FRMPD4: variants seen among roughly 807,000 people sequenced by gnomAD.
The protein encoded by FRMPD4 is FERM and PDZ domain-containing protein 4.
FRMPD4 carries 22 observed loss-of-function variants against 94.1 expected under a neutral mutation model. The observed-to-expected ratio is 0.23, with a 90% CI of 0.17 to 0.33. The LOEUF is 0.33. Ranked by LOEUF, FRMPD4 falls within the 10% of genes least tolerant of loss-of-function variation. FRMPD4 has a pLI of 1.00. For missense variants in FRMPD4, 1,111 were observed against 1,339.9 expected, an observed-to-expected ratio of 0.83 and a Z score of 2.67; for synonymous variants, 631 against 548.6, an observed-to-expected ratio of 1.15 and a Z score of -2.10.
At chrX:12,690,138 C>T in intron 7 of FRMPD4, 57 bp from the exon 8 acceptor site, 3 of 1,047,453 alleles carry the variant, frequency 2.9e-6, no homozygotes, top group Non-Finnish European at 3.9e-6. Flanking sequence ...TCATGGTAGA[C>T]TCCACAAGAT....
chrX:11,932,376 T>G (rs1251144133), intron 3 of FRMPD4, among the ~76,000 whole-genome samples: 1 of 111,968 alleles, frequency 8.9e-6, no homozygotes, highest in Non-Finnish European at 1.9e-5. Flanking sequence ...AGTATTTACT[T>G]TTCTTCCTTT....
At chrX:12,713,281 A>C (rs901189037) in intron 14 of FRMPD4, among the ~76,000 whole-genome samples, 3 of 111,641 alleles carry the variant, frequency 2.7e-5, no homozygotes, top group African/African-American at 9.8e-5. Flanking sequence ...TATTCTAAAC[A>C]TGCTTACAGT....
At chrX:12,439,657 C>T (rs1292259617) in intron 1 of FRMPD4, among the ~76,000 whole-genome samples, 1 of 111,969 alleles carries the variant, frequency 8.9e-6, no homozygotes, top group Non-Finnish European at 1.9e-5. Context: ...TTTTATAACC[C>T]TTGAAATTAT....
chrX:11,832,348 T>G (rs2053480028), intron 1 of FRMPD4, among the ~76,000 whole-genome samples: 1 of 111,608 alleles, frequency 9.0e-6, no homozygotes, highest in Non-Finnish European at 1.9e-5. Context: ...TCAGACAAAG[T>G]GATTCAAGGA....
rs145475588 is a variant in FRMPD4 at position 12,035,478 on chromosome X, T to A, written c.95+157460T>A. On this transcript the variant is annotated intron_variant, in intron 3 of 18. Coordinates refer to the FRMPD4 transcript ENST00000640291. ...ACATGGTAACTTTGAGCAAGTGAGG[T>A]CTCTATTGTATTAACAGTTTGTATT... 6.9e-3 allele frequency among the ~76,000 whole-genome samples: 769 copies of A among 111,906 alleles called. 6 individuals carry two copies. The highest frequency in any genetic ancestry group is 0.023 in the African/African-American group (720 of 30,824).
intron 3 of FRMPD4, among the ~76,000 whole-genome samples, chrX:11,998,963 A>C (rs1390849499): frequency 8.9e-6 from 1 of 112,146 alleles, no homozygotes; most frequent in Non-Finnish European, 1.9e-5. Context: ...GCTTAATAAT[A>C]ATAAAAGAGA....
At chrX:12,306,742 T>C (rs1157361423) in intron 1 of FRMPD4, among the ~76,000 whole-genome samples, 5 of 112,238 alleles carry the variant, frequency 4.5e-5, no homozygotes, top group Non-Finnish European at 7.5e-5. Flanking sequence ...GTTGACCCTT[T>C]GTTCCATTCA....
At chrX:12,567,192 C>G (rs945210060) in intron 2 of FRMPD4, among the ~76,000 whole-genome samples, 1 of 111,864 alleles carries the variant, frequency 8.9e-6, no homozygotes, top group Non-Finnish European at 1.9e-5. Context: ...GTAATAAATA[C>G]CTGCTGTATT....
At chrX:11,971,441 G>T (rs1366985696) in intron 3 of FRMPD4, among the ~76,000 whole-genome samples, 1 of 112,839 alleles carries the variant, frequency 8.9e-6, no homozygotes, top group African/African-American at 3.2e-5. Context: ...AGTAGAATGT[G>T]AGCTGTTCAA....
chrX:12,679,434 G>GT (rs2059941984), intron 5 of FRMPD4, among the ~76,000 whole-genome samples: 1 of 111,889 alleles, frequency 8.9e-6, no homozygotes, highest in South Asian at 3.8e-4. Flanking sequence ...AGAGCCTGTG[G>GT]GCAAATGCCT....
chrX:12,323,338 C>T (rs1415504714), intron 1 of FRMPD4, among the ~76,000 whole-genome samples: 2 of 112,101 alleles, frequency 1.8e-5, no homozygotes, highest in African/African-American at 3.2e-5. Context: ...AGAGGGAATC[C>T]AGGATCTGAC....
chrX:12,699,644 A>G (rs1359700123), intron 9 of FRMPD4, among the ~76,000 whole-genome samples: 1 of 112,476 alleles, frequency 8.9e-6, no homozygotes, highest in Non-Finnish European at 1.9e-5. Flanking sequence ...GAGGCAAGCA[A>G]ATCTTGATAT....
intron 2 of FRMPD4, among the ~76,000 whole-genome samples, chrX:12,569,650 TAATTC>T (rs1365615085): frequency 8.9e-6 from 1 of 112,694 alleles, no homozygotes; most frequent in Admixed American, 9.4e-5. Flanking sequence ...ACACATAATT[TAATTC>T]AAGTATGCTT....
At chrX:12,605,042 T>C (rs1471664929) in intron 2 of FRMPD4, among the ~76,000 whole-genome samples, 2 of 112,384 alleles carry the variant, frequency 1.8e-5, no homozygotes, top group African/African-American at 6.5e-5. Context: ...ATAAGAAAAC[T>C]GAAATATAGA....
chrX:12,442,595 A>G (rs889363033), intron 1 of FRMPD4, among the ~76,000 whole-genome samples: 2 of 112,042 alleles, frequency 1.8e-5, no homozygotes, highest in Non-Finnish European at 3.8e-5. Context: ...TGATGAGGGC[A>G]TGGAGAAATT....
chrX:12,683,612 T>A, intron 6 of FRMPD4, 25 bp downstream of exon 6: 1 of 816,005 alleles, frequency 1.2e-6, no homozygotes, highest in Non-Finnish European at 1.8e-6. Context: ...ACCTGCTTTG[T>A]GACTCAGGGA....
At chrX:12,678,685 T>C (rs924030289) in intron 5 of FRMPD4, among the ~76,000 whole-genome samples, 1 of 111,687 alleles carries the variant, frequency 9.0e-6, no homozygotes, top group Non-Finnish European at 1.9e-5. Context: ...ATTAGCCAGG[T>C]GTGGTGGCAC....
intron 3 of FRMPD4, among the ~76,000 whole-genome samples, chrX:12,016,075 AG>A (rs2054603420): frequency 8.9e-6 from 1 of 112,535 alleles, no homozygotes; most frequent in African/African-American, 3.2e-5. Context: ...CCTAGAGAAG[AG>A]GGTTGCATTC....
At chrX:12,263,454 A>T (rs1461651142) in intron 1 of FRMPD4, among the ~76,000 whole-genome samples, 1 of 111,991 alleles carries the variant, frequency 8.9e-6, no homozygotes, top group African/African-American at 3.2e-5. Context: ...CTTGTCAGGC[A>T]TTTTGAGGAC....
Sources: gnomAD v4.1 joint callset for allele counts (sites outside exome capture counted in the v4.1 genomes callset) on GRCh38, gnomAD v4.1.1 for gene constraint, MANE v1.5 for transcripts, NCBI Gene and HGNC (gene_info 2026-07-23, HGNC 2026-07-21) for gene names.